The following TBXAS1 variants were observed in gnomAD, a reference collection of about 807,000 sequenced individuals.
TBXAS1 encodes the protein thromboxane-A synthase.
Under a neutral mutation model 60.7 loss-of-function variants are expected in TBXAS1, and 48 were observed. The observed-to-expected ratio is 0.79, with a 90% CI of 0.63 to 1.01. The LOEUF is 1.01. TBXAS1 is among the 50% of genes least tolerant of loss of function. The pLI is 0.00. For missense variants in TBXAS1, 685 were observed against 686.3 expected, an observed-to-expected ratio of 1.00 and a Z score of 0.02; for synonymous variants, 287 against 269.7, an observed-to-expected ratio of 1.06 and a Z score of -0.63.
chr7:139,964,286 C>T (rs183533950), intron 9 of TBXAS1, among the ~76,000 whole-genome samples: 8 of 152,236 alleles, frequency 5.3e-5, no homozygotes, highest in East Asian at 1.9e-4. Context: ...GGTTTCACCA[C>T]GTTGGTCAGG....
chr7:139,921,465 G>A (rs1272692480), intron 4 of TBXAS1, among the ~76,000 whole-genome samples: 2 of 152,182 alleles, frequency 1.3e-5, no homozygotes, highest in African/African-American at 4.8e-5. Flanking sequence ...TTGGGAGGCT[G>A]AGGCAGGAAG....
In TBXAS1 at chr7:139,890,364, C is replaced by T. The variant is rs866835728; in HGVS notation, c.236+14727C>T. ...CCGAGTAGCTGGGACTACAGGCGCC[C>T]GCCACTGCGCCCGGCTAATTTTTTG... is the stretch of plus-strand genomic sequence containing the variant. On this transcript the variant is annotated intron_variant, in intron 3 of 12. Transcript: ENST00000448866. Among the ~76,000 whole-genome samples the T allele has an allele frequency of 3.5e-3, 523 of 149,836 alleles. 2 individuals are homozygous for T. The highest frequency in any genetic ancestry group is 0.013 in the African/African-American group (492 of 39,360).
At chr7:139,838,005 C>A (rs1354266439) in intron 1 of TBXAS1, among the ~76,000 whole-genome samples, 2 of 152,168 alleles carry the variant, frequency 1.3e-5, no homozygotes, top group African/African-American at 2.4e-5. Flanking sequence ...GTCAAGAAGT[C>A]CACAACCATC....
intron 4 of TBXAS1, among the ~76,000 whole-genome samples, chr7:139,817,001 G>A (rs528190124): frequency 7.9e-5 from 12 of 152,220 alleles, no homozygotes; most frequent in African/African-American, 2.4e-4. Context: ...GCAGAGTCAG[G>A]GTTTAGTTCA....
chr7:139,994,628 C>A (rs1027842874), intron 9 of TBXAS1, among the ~76,000 whole-genome samples: 2 of 151,508 alleles, frequency 1.3e-5, no homozygotes, highest in African/African-American at 4.8e-5. Flanking sequence ...AAAAAAAAAA[C>A]TCCTGCTGCA....
intron 4 of TBXAS1, among the ~76,000 whole-genome samples, chr7:139,798,441 T>C (rs978291999): frequency 6.6e-6 from 1 of 152,172 alleles, no homozygotes; most frequent in Non-Finnish European, 1.5e-5. Context: ...CGTTATTAAC[T>C]GCCTAACATA....
At chr7:139,824,299 C>G (rs184977893), upstream of TBXAS1, among the ~76,000 whole-genome samples, 105 of 152,328 alleles carry the variant, frequency 6.9e-4, no homozygotes, top group Non-Finnish European at 1.1e-3. Context: ...CACCTCCCCG[C>G]ATGGCTCGAG....
intron 3 of TBXAS1, among the ~76,000 whole-genome samples, chr7:139,880,264 C>T (rs935260027): frequency 3.3e-5 from 5 of 152,178 alleles, no homozygotes; most frequent in Non-Finnish European, 7.3e-5. Flanking sequence ...CCCAACATCA[C>T]TTTAGTTTTG....
chr7:139,910,402 C>T (rs549557932), intron 3 of TBXAS1, among the ~76,000 whole-genome samples: 7 of 152,112 alleles, frequency 4.6e-5, no homozygotes, highest in African/African-American at 1.7e-4. Flanking sequence ...TTTGGGAGGC[C>T]GAGGTGGGCG....
At chr7:139,915,006 T>A (rs1348291354) in intron 4 of TBXAS1, among the ~76,000 whole-genome samples, 1 of 152,150 alleles carries the variant, frequency 6.6e-6, no homozygotes, top group African/African-American at 2.4e-5. Context: ...GTCTTCTTCG[T>A]CTCGGTCATT....
intron 4 of TBXAS1, among the ~76,000 whole-genome samples, chr7:139,811,231 A>G (rs764494673): frequency 2.6e-5 from 4 of 152,284 alleles, no homozygotes; most frequent in Admixed American, 6.5e-5. Flanking sequence ...TATACTCTGC[A>G]CATACAGTCA....
In TBXAS1 at chr7:139,975,452, C is replaced by T. The variant is rs549077455; in HGVS notation, c.1134+13219C>T. Among the ~76,000 whole-genome samples the T allele has an allele frequency of 2.4e-4, 37 of 152,168 alleles. No homozygotes were observed. Among genetic ancestry groups the T allele is most frequent in the Middle Eastern group, 3.4e-3 (1 of 294 alleles). ...CCATGGTTCTGATGCCATTCCTCAG[C>T]GCTCTGCTGTTCTTGCCTGACCAAG... On this transcript the variant is annotated intron_variant, in intron 9 of 12. Coordinates refer to ENST00000448866, the MANE Select transcript of TBXAS1 (RefSeq NM_001061.7). This position sits in a 1 kb window ranked among gnomAD's most constrained non-coding sequence, Gnocchi z 4.4.
chr7:139,843,050 A>T (rs1386882289), intron 1 of TBXAS1, among the ~76,000 whole-genome samples: 4 of 152,134 alleles, frequency 2.6e-5, no homozygotes, highest in African/African-American at 9.7e-5. Flanking sequence ...CTGCCTCCAC[A>T]TTCTGATCTG....
intron 1 of TBXAS1, among the ~76,000 whole-genome samples, chr7:139,858,661 C>T (rs1800751593): frequency 6.6e-6 from 1 of 152,140 alleles, no homozygotes. Flanking sequence ...TTGGTATCTG[C>T]TCTCTGGCCA....
intron 8 of TBXAS1, among the ~76,000 whole-genome samples, chr7:139,960,906 G>C (rs985301604): frequency 6.6e-6 from 1 of 152,068 alleles, no homozygotes; most frequent in African/African-American, 2.4e-5. Context: ...TGCCATTTTA[G>C]TCCCATAAAC....
At chr7:139,964,190 A>G (rs974453470) in intron 9 of TBXAS1, among the ~76,000 whole-genome samples, 1 of 152,056 alleles carries the variant, frequency 6.6e-6, no homozygotes, top group African/African-American at 2.4e-5. Flanking sequence ...GGTTCAAGCA[A>G]TTCTCCTGCC....
At chr7:139,820,040 G>A (rs186948236) in intron 4 of TBXAS1, among the ~76,000 whole-genome samples, 7 of 152,056 alleles carry the variant, frequency 4.6e-5, no homozygotes, top group African/African-American at 1.7e-4. Flanking sequence ...TCAAACTCTG[G>A]ATTCTAACTT....
intron 9 of TBXAS1, among the ~76,000 whole-genome samples, chr7:139,996,830 A>T (rs1322666866): frequency 6.6e-6 from 1 of 152,224 alleles, no homozygotes; most frequent in Non-Finnish European, 1.5e-5. Flanking sequence ...ATCAATAGGG[A>T]ACAGCCAAGA....
chr7:139,949,032 C>T (rs1584928141), intron 5 of TBXAS1, among the ~76,000 whole-genome samples: 1 of 152,176 alleles, frequency 6.6e-6, no homozygotes, highest in East Asian at 1.9e-4. Context: ...CCATTCAGTT[C>T]GACAGACAGC....
Sources: gnomAD v4.1 joint callset for allele counts (sites outside exome capture counted in the v4.1 genomes callset) on GRCh38, gnomAD v4.1.1 for gene constraint, Gnocchi (gnomAD v3.1) non-coding constraint, MANE v1.5 for transcripts, NCBI Gene and HGNC (gene_info 2026-07-23, HGNC 2026-07-21) for gene names.